The following IGF2R variants were observed in gnomAD, a reference collection of about 807,000 sequenced individuals.
IGF2R encodes insulin like growth factor 2 receptor, also known as cation-independent mannose-6-phosphate receptor.
In IGF2R, 91 loss-of-function variants were observed where a neutral mutation model predicts 270.6. The ratio of observed to expected loss-of-function variants is 0.34; its 90% CI spans 0.28 to 0.40. The LOEUF is 0.40. Among genes scored for constraint, IGF2R ranks in the 10% least tolerant of loss-of-function variants. The pLI, the probability that IGF2R is intolerant of heterozygous loss-of-function variation, is 1.00. For synonymous variants in IGF2R, 1,316 were observed against 1,258.9 expected (o/e 1.05, Z -0.96); for missense variants, 2,805 against 3,188.3 (o/e 0.88, Z 2.90).
At chr6:160,065,814 G>GTGTATATATATA in intron 29 of IGF2R, among the ~76,000 whole-genome samples, 266 of 78,272 alleles carry the variant, frequency 3.4e-3, no homozygotes, top group Non-Finnish European at 4.4e-3. Flanking sequence ...GTGTGTGTGT[G>GTGTATATATATA]TATATATATA....
intron 6 of IGF2R, among the ~76,000 whole-genome samples, chr6:160,028,574 A>G (rs1372888303): frequency 3.3e-5 from 5 of 152,206 alleles, no homozygotes; most frequent in South Asian, 2.1e-4. Context: ...GTGATCAGCT[A>G]TTCTCTAGCA....
chr6:160,068,873 A>G (rs1174523171), intron 30 of IGF2R, among the ~76,000 whole-genome samples: 1 of 152,206 alleles, frequency 6.6e-6, no homozygotes, highest in East Asian at 1.9e-4. Context: ...GAGAAACAGC[A>G]GGACGAAGAA....
chr6:160,066,172 A>G (rs957098252), intron 29 of IGF2R, among the ~76,000 whole-genome samples: 3 of 151,464 alleles, frequency 2.0e-5, no homozygotes, highest in African/African-American at 4.9e-5. Flanking sequence ...CCGCCACCAC[A>G]CCTGGCGAAT....
At chr6:159,977,975 G>A (rs934297741) in intron 1 of IGF2R, among the ~76,000 whole-genome samples, 2 of 152,272 alleles carry the variant, frequency 1.3e-5, no homozygotes, top group Non-Finnish European at 2.9e-5. Context: ...TGCCTGGCAC[G>A]TCCTCGGTGT....
chr6:160,051,625 G>A (rs191111692), intron 19 of IGF2R, among the ~76,000 whole-genome samples: 2 of 152,256 alleles, frequency 1.3e-5, no homozygotes, highest in African/African-American at 2.4e-5. Flanking sequence ...GTGGGTGAAC[G>A]ATGAGGGCTG....
intron 39 of IGF2R, 123 bp from the exon 40 acceptor site, chr6:160,083,827 A>G (rs1779038788): frequency 2.8e-6 from 2 of 711,948 alleles, no homozygotes; most frequent in Non-Finnish European, 2.4e-6. Flanking sequence ...CAAATTAACA[A>G]CATCTCAGCA....
intron 13 of IGF2R, among the ~76,000 whole-genome samples, chr6:160,045,237 C>T (rs1410495366): frequency 5.3e-5 from 8 of 152,134 alleles, no homozygotes; most frequent in Non-Finnish European, 1.0e-4. Context: ...GGATTAATAG[C>T]GCGTTTCCAG....
In IGF2R at chr6:160,102,393, G is replaced by T. The variant is rs1779506307; in HGVS notation, c.6843-126G>T. 9.6e-7 allele frequency: 1 copy of T among 1,044,156 alleles called. No individual in the cohort carries two copies. The highest frequency in any genetic ancestry group is 1.5e-5 in the South Asian group (1 of 65,628). 64.7% of individuals were successfully genotyped at this position (1,044,156 alleles called of 1,614,324 possible). A position where few individuals can be genotyped will look rare whatever the true frequency, so the allele number is the denominator to read the frequency against. On this transcript the variant is annotated intron_variant, in intron 45 of 47. Transcript: ENST00000356956. This position sits in a 1 kb window ranked among gnomAD's most constrained non-coding sequence, Gnocchi z 4.5. ...ACTTGTGGCCTTGTTTTCTGGGCAG[G>T]AGTAAGAATCACATGGTGTTGGGAA...
In IGF2R at chr6:160,111,458, G is replaced by T. The variant is rs533810448; in HGVS notation, c.*6374G>T. On this transcript the variant is annotated 3_prime_UTR_variant, in exon 48 of 48. Coordinates refer to ENST00000356956, the MANE Select transcript of IGF2R (RefSeq NM_000876.4). ...TCATGATTTTCTTAAAACTTTTTCTGTATTTTATTGTAAGAATACAGTATA... is the reference window on the plus strand; with the variant it reads ...TCATGATTTTCTTAAAACTTTTTCTTTATTTTATTGTAAGAATACAGTATA... The T allele has an allele frequency of 1.3e-5, 2 of 152,078 alleles. No individual in the cohort carries two copies. The highest frequency in any genetic ancestry group is 4.2e-4 in the South Asian group (2 of 4,796). The allele number at this position is 152,078 out of a possible 1,614,324, so 9.4% of individuals were successfully genotyped here. A position where few individuals can be genotyped will look rare whatever the true frequency, so the allele number is the denominator to read the frequency against.
At chr6:160,024,874 C>T (rs1235986668) in intron 5 of IGF2R, among the ~76,000 whole-genome samples, 170 bp downstream of exon 5, 1 of 152,178 alleles carries the variant, frequency 6.6e-6, no homozygotes, top group Non-Finnish European at 1.5e-5. Flanking sequence ...CACCTCTTCT[C>T]CCCCAGTAGA....
chr6:160,068,863 G>A (rs975933893), intron 30 of IGF2R, among the ~76,000 whole-genome samples: 1 of 152,192 alleles, frequency 6.6e-6, no homozygotes, highest in Non-Finnish European at 1.5e-5. Context: ...TGGTTCGGCC[G>A]AGAAACAGCA....
In IGF2R at chr6:160,012,764, T is replaced by TATA. The variant is rs538085462; in HGVS notation, c.513+1979_513+1980insATA. 2.9e-3 allele frequency among the ~76,000 whole-genome samples: 178 copies of TATA among 60,428 alleles called. 3 individuals are homozygous for TATA. Among genetic ancestry groups the TATA allele is most frequent in the African/African-American group, 3.7e-3 (68 of 18,498 alleles). 39.6% of individuals were successfully genotyped at this position (60,428 alleles called of 152,430 possible). ...GCTAATTTATATATATATATATATA[T>TATA]TTTTTTTTTTTTTTGTTTGTTTGTT... On this transcript the variant is annotated intron_variant, in intron 4 of 47. Coordinates refer to ENST00000356956, the MANE Select transcript of IGF2R (RefSeq NM_000876.4).
Position 160,059,446 on chromosome 6 carries a change from G to T in IGF2R, c.3091+348G>T, listed in dbSNP as rs537630259. On this transcript the variant is annotated intron_variant, in intron 22 of 47. Coordinates refer to ENST00000356956, the MANE Select transcript of IGF2R (RefSeq NM_000876.4). ...TTGCTGTGCCTAGCTTACAAATTGA[G>T]CTTCATCCTCTGTATGTGTGTATAG... 5.9e-5 allele frequency among the ~76,000 whole-genome samples: 9 copies of T among 152,310 alleles called. No individual in the cohort carries two copies. In the South Asian group the frequency reaches 1.9e-3, roughly 32 times the overall value.
chr6:160,047,210 T>C lies in IGF2R; in HGVS notation c.2103T>C (p.Tyr701=). The change falls in exon 16 of 48, where the codon TAT becomes TAC. Residue 701 remains tyrosine, a synonymous_variant. Transcript: ENST00000356956. ...TGAGTAATGCGAAGCTTTCATATTA[T>C]GATGGGATGATCCAACTGAACTACA... ...LGLSNAKLSY[Y]DGMIQLNYRG... The C allele has an allele frequency of 1.2e-6, 2 of 1,614,196 alleles. No individual in the cohort carries two copies. Among genetic ancestry groups the C allele is most frequent in the South Asian group, 2.2e-5 (2 of 91,086 alleles).
chr6:160,019,758 CA>C (rs1777389918), intron 4 of IGF2R, among the ~76,000 whole-genome samples: 6 of 152,240 alleles, frequency 3.9e-5, no homozygotes, highest in Admixed American at 3.9e-4. Context: ...TGAAATTCAA[CA>C]TCCCTTAATG....
At chr6:159,993,055 T>C (rs1462952365) in intron 2 of IGF2R, among the ~76,000 whole-genome samples, 1 of 152,244 alleles carries the variant, frequency 6.6e-6, no homozygotes, top group Admixed American at 6.5e-5. Context: ...TGTATGTCTT[T>C]AGAGAAATGT....
chr6:160,010,682 A>G lies in IGF2R; in HGVS notation c.415-5A>G, dbSNP rs369524729. 17 of 1,529,692 alleles carry G rather than the reference A, an allele frequency of 1.1e-5. No homozygotes were observed. The African/African-American group carries it at 2.2e-4, about 20-fold the overall frequency. 94.8% of individuals were successfully genotyped at this position (1,529,692 alleles called of 1,614,324 possible). On this transcript the variant is annotated splice_region_variant and splice_polypyrimidine_tract_variant and intron_variant, in intron 3 of 47. Coordinates refer to ENST00000356956, the MANE Select transcript of IGF2R (RefSeq NM_000876.4). ...AACATTATAATTACTATTTTTTTTTAATAGGGAACTCCTGAATTTGTAACT... is the reference window on the plus strand; with the variant it reads ...AACATTATAATTACTATTTTTTTTTGATAGGGAACTCCTGAATTTGTAACT...
At chr6:160,074,961 C>T (rs897631604) in intron 35 of IGF2R, among the ~76,000 whole-genome samples, 1 of 152,174 alleles carries the variant, frequency 6.6e-6, no homozygotes, top group Non-Finnish European at 1.5e-5. Flanking sequence ...ATTGCCTGGC[C>T]ACCCATTGTC....
Position 160,084,165 on chromosome 6 carries a change from C to A in IGF2R, c.6049C>A (p.Leu2017Ile). 6.2e-7 allele frequency: 1 copy of A among 1,612,924 alleles called. No individual in the cohort carries two copies. The highest frequency in any genetic ancestry group is 1.3e-5 in the African/African-American group (1 of 75,026). The part of the protein sequence containing the change: ...LLSSLTGSWS[L>I]VHNGVSYYIN... ...CTCCTCTCTCACCGGGTCCTGGTCC[C>A]TCGTCCACAACGGAGTCTCGTGAGT... Residue 2017 changes from leucine (L) to isoleucine (I), a missense_variant, in exon 40 of 48, where the codon CTC becomes ATC. Physicochemically the swap from Leu to Ile is conservative, Grantham distance 5. Around this residue, in one of 2 missense-constraint regions of IGF2R, gnomAD observed 1,851 missense variants for 2,207.2 expected, o/e 0.84. Coordinates refer to ENST00000356956, the MANE Select transcript of IGF2R (RefSeq NM_000876.4). This position sits in a 1 kb window ranked among gnomAD's most constrained non-coding sequence, Gnocchi z 4.6.
Sources: allele counts gnomAD v4.1 joint callset (sites outside exome capture counted in the v4.1 genomes callset), GRCh38; gene constraint gnomAD v4.1.1; regional missense constraint gnomAD v4.1.1; non-coding constraint Gnocchi (gnomAD v3.1); transcripts MANE v1.5; gene names NCBI Gene and HGNC (gene_info 2026-07-23, HGNC 2026-07-21).